PTPRQ: variants seen among roughly 807,000 people sequenced by gnomAD.
The protein encoded by PTPRQ is phosphatidylinositol phosphatase PTPRQ.
Under a neutral mutation model 246.0 loss-of-function variants are expected in PTPRQ, and 199 were observed. That is an observed-to-expected ratio of 0.81 (90% CI 0.72 to 0.91). The LOEUF (loss-of-function observed/expected upper bound fraction) is 0.91. Among genes scored for constraint, PTPRQ ranks in the 40% least tolerant of loss-of-function variants. The probability of loss-of-function intolerance (pLI) is 0.00; values close to 1 mark genes in which losing one functional copy is unlikely to be tolerated. For missense variants in PTPRQ, 2,624 were observed against 2,528.4 expected (o/e 1.04, Z -0.81); for synonymous variants, 869 against 853.2 (o/e 1.02, Z -0.32).
intron 41 of PTPRQ, 102 bp downstream of exon 41, chr12:80,669,566 C>A (rs962997423): frequency 3.5e-6 from 5 of 1,412,740 alleles, no homozygotes; most frequent in Admixed American, 2.9e-5. Context: ...TCAAGGATAC[C>A]TGTATATTCA....
chr12:80,558,752 G>A (rs1479003140), intron 25 of PTPRQ, among the ~76,000 whole-genome samples: 1 of 152,122 alleles, frequency 6.6e-6, no homozygotes, highest in East Asian at 1.9e-4. Context: ...CACCAACAAT[G>A]TATGAGCCAT....
At chr12:80,579,203 A>C (rs1014032576) in intron 25 of PTPRQ, among the ~76,000 whole-genome samples, 7 of 152,006 alleles carry the variant, frequency 4.6e-5, no homozygotes, top group Non-Finnish European at 8.8e-5. Context: ...TCAGACTTTT[A>C]AGTTTATATG....
intron 25 of PTPRQ, among the ~76,000 whole-genome samples, chr12:80,569,387 T>A (rs1468508352): frequency 4.6e-5 from 4 of 86,650 alleles, no homozygotes; most frequent in African/African-American, 1.9e-4. Context: ...TGGGGACTGT[T>A]GTGGGGTGGG....
intron 39 of PTPRQ, among the ~76,000 whole-genome samples, chr12:80,664,596 C>A (rs892504007): frequency 6.6e-6 from 1 of 152,026 alleles, no homozygotes; most frequent in African/African-American, 2.4e-5. Context: ...AGGTTTCTCT[C>A]TACTTCTTTA....
At chr12:80,580,003 C>T (rs2120989686) in intron 25 of PTPRQ, among the ~76,000 whole-genome samples, 1 of 152,224 alleles carries the variant, frequency 6.6e-6, no homozygotes, top group African/African-American at 2.4e-5. Flanking sequence ...ACTTGGTCAT[C>T]CAACTTAGTG....
chr12:80,679,326 G>T lies in PTPRQ; in HGVS notation c.*303G>T, dbSNP rs1901245811. The T allele has an allele frequency of 4.7e-6, 1 of 213,242 alleles. No homozygotes were observed. The highest frequency in any genetic ancestry group is 2.3e-5 in the African/African-American group (1 of 43,846). 13.2% of individuals were successfully genotyped at this position (213,242 alleles called of 1,614,324 possible). On this transcript the variant is annotated 3_prime_UTR_variant, in exon 45 of 45. Coordinates refer to ENST00000644991, the MANE Select transcript of PTPRQ (RefSeq NM_001145026.2). The stretch of plus-strand genomic sequence containing the variant: ...CAAATAGAAAATTATTATTATATTA[G>T]CATTAATGTTTCAATGTGAATTTTC...
intron 26 of PTPRQ, among the ~76,000 whole-genome samples, chr12:80,600,542 G>C (rs1210649577): frequency 1.3e-5 from 2 of 151,644 alleles, no homozygotes; most frequent in East Asian, 3.9e-4. Flanking sequence ...AACTTTCTTA[G>C]CCGCAGAAAA....
chr12:80,548,498 T>G (rs1896375646), intron 24 of PTPRQ, among the ~76,000 whole-genome samples: 1 of 152,150 alleles, frequency 6.6e-6, no homozygotes, highest in Admixed American at 6.6e-5. Flanking sequence ...ACTGGTGTCT[T>G]TATCTTACAG....
intron 17 of PTPRQ, among the ~76,000 whole-genome samples, chr12:80,523,246 T>A (rs1895565525): frequency 6.6e-6 from 1 of 152,186 alleles, no homozygotes; most frequent in Non-Finnish European, 1.5e-5. Context: ...TATTTGATTC[T>A]TCTCTCTTTC....
chr12:80,500,601 T>A lies in PTPRQ; in HGVS notation c.2272+4070T>A, dbSNP rs1405933486. Among the ~76,000 whole-genome samples, 3 of 152,056 alleles carry A rather than the reference T, an allele frequency of 2.0e-5. 1 individual carries two copies. The highest frequency in any genetic ancestry group is 4.1e-4 in the South Asian group (2 of 4,832). ...CATAGCATCACAAATTCCCTTTTTG[T>A]AATTAAAGAGTTTTTAAACCCAATC... On this transcript the variant is annotated intron_variant, in intron 14 of 44. Transcript: ENST00000644991.
intron 23 of PTPRQ, among the ~76,000 whole-genome samples, chr12:80,544,201 G>A (rs549575749): frequency 2.6e-5 from 4 of 152,014 alleles, no homozygotes; most frequent in Non-Finnish European, 5.9e-5. Flanking sequence ...ATGCAAAATG[G>A]GAGTTACAAA....
intron 26 of PTPRQ, among the ~76,000 whole-genome samples, chr12:80,600,850 G>A (rs1029505738): frequency 3.6e-4 from 55 of 151,858 alleles, no homozygotes; most frequent in Admixed American, 3.4e-3. Flanking sequence ...CATTAACGCT[G>A]GTCTTAACGG....
chr12:80,665,674 T>C (rs1565849248), intron 39 of PTPRQ, among the ~76,000 whole-genome samples: 1 of 151,824 alleles, frequency 6.6e-6, no homozygotes, highest in African/African-American at 2.4e-5. Flanking sequence ...ATCTGCAAAA[T>C]GGGAGAAAAT....
At chr12:80,480,668 G>A (rs928539035) in intron 8 of PTPRQ, among the ~76,000 whole-genome samples, 13 of 151,832 alleles carry the variant, frequency 8.6e-5, no homozygotes, top group South Asian at 2.1e-4. Flanking sequence ...TCAAATAGAC[G>A]CAATACAAAA....
chr12:80,501,384 T>TG (rs914004727), intron 14 of PTPRQ, among the ~76,000 whole-genome samples: 2 of 151,998 alleles, frequency 1.3e-5, no homozygotes, highest in African/African-American at 4.8e-5. Flanking sequence ...TGAGTGGTAG[T>TG]GCCATTTACT....
At chr12:80,495,562 T>C (rs1894591475) in intron 12 of PTPRQ, among the ~76,000 whole-genome samples, 191 bp downstream of exon 12, 1 of 152,026 alleles carries the variant, frequency 6.6e-6, no homozygotes, top group East Asian at 1.9e-4. Flanking sequence ...TGTGTTTTTC[T>C]TTTACTAGAT....
At chr12:80,644,922 T>A (rs1184026139) in intron 35 of PTPRQ, among the ~76,000 whole-genome samples, 1 of 152,060 alleles carries the variant, frequency 6.6e-6, no homozygotes, top group Non-Finnish European at 1.5e-5. Flanking sequence ...AATAGTCAGG[T>A]AATGTACCTC....
chr12:80,567,469 A>T (rs751455148), intron 25 of PTPRQ, among the ~76,000 whole-genome samples: 10 of 152,180 alleles, frequency 6.6e-5, no homozygotes, highest in Non-Finnish European at 1.5e-4. Flanking sequence ...CATATAGAGC[A>T]TTTCCATCCC....
chr12:80,568,529 C>A (rs1346653504), intron 25 of PTPRQ, among the ~76,000 whole-genome samples: 1 of 152,170 alleles, frequency 6.6e-6, no homozygotes, highest in Non-Finnish European at 1.5e-5. Flanking sequence ...CCATATTTGT[C>A]TTCAGTAAGT....
Sources: gnomAD v4.1 joint callset for allele counts (sites outside exome capture counted in the v4.1 genomes callset) on GRCh38, gnomAD v4.1.1 for gene constraint, MANE v1.5 for transcripts, NCBI Gene and HGNC (gene_info 2026-07-23, HGNC 2026-07-21) for gene names.